PROSER2: variants seen among roughly 807,000 people sequenced by gnomAD.
The protein encoded by PROSER2 is proline and serine-rich protein 2.
Under a neutral mutation model 14.6 loss-of-function variants are expected in PROSER2, and 18 were observed. The observed-to-expected ratio is 1.23, with a 90% CI of 0.85 to 1.83. The LOEUF (loss-of-function observed/expected upper bound fraction) is 1.83, where lower values mean the gene tolerates loss of function less well. Among genes scored for constraint, PROSER2 ranks in the 40% most tolerant of loss-of-function variants. The pLI, the probability that PROSER2 is intolerant of heterozygous loss-of-function variation, is 0.00. For missense variants in PROSER2, 823 were observed against 629.8 expected, an observed-to-expected ratio of 1.31 and a Z score of -3.28; for synonymous variants, 367 against 286.4, an observed-to-expected ratio of 1.28 and a Z score of -2.84.
intron 1 of PROSER2, among the ~76,000 whole-genome samples, chr10:11,827,048 CTGTGTTTT>C (rs1053101898): frequency 9.4e-4 from 143 of 152,072 alleles, no homozygotes; most frequent in African/African-American, 3.2e-3. Flanking sequence ...CCACGTCCAG[CTGTGTTTT>C]TGTGTTTTTT....
chr10:11,848,426 C>T (rs1035116431), intron 1 of PROSER2, among the ~76,000 whole-genome samples: 5 of 152,228 alleles, frequency 3.3e-5, no homozygotes, highest in Non-Finnish European at 7.3e-5. Flanking sequence ...ACCTTGGCCT[C>T]CCAAAGTGCA....
chr10:11,839,342 A>C (rs1833804459), intron 1 of PROSER2, among the ~76,000 whole-genome samples: 1 of 152,214 alleles, frequency 6.6e-6, no homozygotes, highest in African/African-American at 2.4e-5. Context: ...GCAAAAACAC[A>C]AGCTATAAAC....
intron 2 of PROSER2, among the ~76,000 whole-genome samples, chr10:11,852,909 G>A (rs1270380735): frequency 6.8e-6 from 1 of 147,082 alleles, no homozygotes; most frequent in Non-Finnish European, 1.5e-5. Flanking sequence ...AGATGCTTTT[G>A]TATCCTTCTC....
At chr10:11,853,088 C>T (rs914994184) in intron 2 of PROSER2, among the ~76,000 whole-genome samples, 2 of 152,250 alleles carry the variant, frequency 1.3e-5, no homozygotes, top group Admixed American at 6.5e-5. Context: ...CCGGGCCTCA[C>T]TAGGAACCAT....
intron 2 of PROSER2, among the ~76,000 whole-genome samples, chr10:11,852,538 A>ACT (rs1050985387): frequency 1.9e-5 from 2 of 103,044 alleles, no homozygotes; most frequent in Non-Finnish European, 4.4e-5. Flanking sequence ...AACACAGTTG[A>ACT]CTCTTTTTTT....
At chr10:11,864,321 G>A (rs945096342) in intron 2 of PROSER2, among the ~76,000 whole-genome samples, 2 of 152,158 alleles carry the variant, frequency 1.3e-5, no homozygotes, top group African/African-American at 4.8e-5. Context: ...TTGTTTGGAA[G>A]TTATTTCAAA....
At position 11,862,260 on chromosome 10, in the gene PROSER2, C is replaced by A. The variant is rs928416812; in HGVS notation, c.139-4271C>A. ...CGCTTAAAGTCACCACAGGGGCATG[C>A]GTGTGTTTATGTGAATATGCAAATT... is the stretch of plus-strand genomic sequence containing the variant. On this transcript the variant is annotated intron_variant, in intron 2 of 3. Coordinates refer to ENST00000277570, the MANE Select transcript of PROSER2 (RefSeq NM_153256.4). The surrounding 1 kb of genome is among the most constrained non-coding windows in gnomAD (Gnocchi z 4.2). Among the ~76,000 whole-genome samples the A allele has an allele frequency of 6.6e-6, 1 of 152,088 alleles. No homozygotes were observed. The highest frequency in any genetic ancestry group is 2.4e-5 in the African/African-American group (1 of 41,400).
chr10:11,864,772 A>G (rs954906060), intron 2 of PROSER2, among the ~76,000 whole-genome samples: 1 of 152,028 alleles, frequency 6.6e-6, no homozygotes, highest in African/African-American at 2.4e-5. Flanking sequence ...TATCTTTAGT[A>G]GAGACAGGAT....
At position 11,871,963 on chromosome 10, in the gene PROSER2, T is replaced by A. The variant is rs972154826; in HGVS notation, c.*1557T>A. On this transcript the variant is annotated 3_prime_UTR_variant, in exon 4 of 4. Transcript: ENST00000277570. The stretch of plus-strand genomic sequence containing the variant: ...GAATAATAACCTCATAGATTCCTGA[T>A]CTTAATTTAAATAGGTGCTTTAATT... The A allele has an allele frequency of 6.6e-6, 1 of 152,252 alleles. No individual in the cohort carries two copies. The highest frequency in any genetic ancestry group is 1.5e-5 in the Non-Finnish European group (1 of 68,050). 9.4% of individuals were successfully genotyped at this position (152,252 alleles called of 1,614,324 possible).
In PROSER2 at chr10:11,870,152, C is replaced by G. The variant is rs780196455; in HGVS notation, c.1054C>G (p.Leu352Val). 1.4e-6 allele frequency: 2 copies of G among 1,454,568 alleles called. No individual in the cohort carries two copies. Among genetic ancestry groups the G allele is most frequent in the Non-Finnish European group, 1.8e-6 (2 of 1,110,854 alleles). 90.1% of individuals were successfully genotyped at this position (1,454,568 alleles called of 1,614,324 possible). ...ANGFPSAHEA[L>V]KSAPSSFAPA... ...CGGCTTCCCAAGTGCGCACGAGGCC[C>G]TGAAGAGCGCACCCAGCTCCTTCGC... Residue 352 changes from leucine to valine, a missense_variant, in exon 4 of 4, where the codon CTG (leucine) becomes GTG (valine). Transcript: ENST00000277570.
Position 11,869,557 on chromosome 10 carries a change from G to A in PROSER2, c.459G>A (p.Pro153=), listed in dbSNP as rs779812074. The A allele has an allele frequency of 1.9e-6, 3 of 1,612,926 alleles. No homozygotes were observed. Among genetic ancestry groups the A allele is most frequent in the South Asian group, 1.1e-5 (1 of 91,032 alleles). ...AGACTCCTCCACCTCCAGACCCCCC[G>A]GCTCCCGAGACCCTTCTTGCGCCAC... is the stretch of plus-strand genomic sequence containing the variant. ...DAETPPPPDP[P]APETLLAPPP... is the part of the protein sequence containing the mutation. Residue 153 remains proline (P), a synonymous_variant, in exon 4 of 4, where the codon CCG becomes CCA. Coordinates refer to ENST00000277570, the MANE Select transcript of PROSER2 (RefSeq NM_153256.4). This position sits in a 1 kb window ranked among gnomAD's most constrained non-coding sequence, Gnocchi z 4.4.
chr10:11,840,486 C>T (rs1422236367), intron 1 of PROSER2, among the ~76,000 whole-genome samples: 1 of 152,058 alleles, frequency 6.6e-6, no homozygotes, highest in African/African-American at 2.4e-5. Flanking sequence ...ATTAACTCTT[C>T]TTTATCATTA....
At chr10:11,835,985 A>C (rs193102804) in intron 1 of PROSER2, among the ~76,000 whole-genome samples, 17 of 152,102 alleles carry the variant, frequency 1.1e-4, no homozygotes, top group Admixed American at 2.6e-4. Flanking sequence ...GCTTTTTGAA[A>C]AGGGCTTGGC....
chr10:11,825,081 G>A (rs1167020753), intron 1 of PROSER2, among the ~76,000 whole-genome samples: 1 of 152,224 alleles, frequency 6.6e-6, no homozygotes. Context: ...CAGCTGAAGA[G>A]ATACCTGGCC....
At position 11,862,872 on chromosome 10, in the gene PROSER2, G is replaced by A. The variant is rs551443921; in HGVS notation, c.139-3659G>A. The stretch of plus-strand genomic sequence containing the variant: ...CATTAGTCTTCGTGGAAATGACACT[G>A]AAAATCACAGTGAAATATGACTGCA... On this transcript the variant is annotated intron_variant, in intron 2 of 3. Transcript: ENST00000277570. This position sits in a 1 kb window ranked among gnomAD's most constrained non-coding sequence, Gnocchi z 4.2. 1.3e-5 allele frequency: 2 copies of A among 152,290 alleles called. No homozygotes were observed. The highest frequency in any genetic ancestry group is 1.9e-4 in the East Asian group (1 of 5,182). 9.4% of individuals were successfully genotyped at this position (152,290 alleles called of 1,614,324 possible).
chr10:11,843,580 A>G (rs778882536), intron 1 of PROSER2, among the ~76,000 whole-genome samples: 37 of 151,762 alleles, frequency 2.4e-4, no homozygotes, highest in Middle Eastern at 3.4e-3. Context: ...CAGCTACTCG[A>G]GAGGCTGAGG....
At chr10:11,834,657 C>G (rs1833733970) in intron 1 of PROSER2, among the ~76,000 whole-genome samples, 2 of 151,988 alleles carry the variant, frequency 1.3e-5, no homozygotes, top group South Asian at 4.1e-4. Flanking sequence ...ATCATTTGAA[C>G]CCAGGTGGTG....
At chr10:11,840,241 C>T (rs990236487) in intron 1 of PROSER2, among the ~76,000 whole-genome samples, 3 of 150,152 alleles carry the variant, frequency 2.0e-5, no homozygotes, top group Non-Finnish European at 2.9e-5. Flanking sequence ...GTGTGAGCCA[C>T]CACGCTGTCC....
At position 11,870,477 on chromosome 10, in the gene PROSER2, A is replaced by C; in HGVS notation, c.*71A>C. ...AGAGGGTGAAAGAGTCGCTGCACCC[A>C]GGAGCTGTTTGGTCTAAAATGGAAG... On this transcript the variant is annotated 3_prime_UTR_variant, in exon 4 of 4. Transcript: ENST00000277570. 3 of 1,265,378 alleles carry C rather than the reference A, an allele frequency of 2.4e-6. No individual in the cohort carries two copies. The highest frequency in any genetic ancestry group is 6.3e-5 in the East Asian group (2 of 31,672). 78.4% of individuals were successfully genotyped at this position (1,265,378 alleles called of 1,614,324 possible).
Sources: allele counts gnomAD v4.1 joint callset (sites outside exome capture counted in the v4.1 genomes callset), GRCh38; gene constraint gnomAD v4.1.1; non-coding constraint Gnocchi (gnomAD v3.1); transcripts MANE v1.5; gene names NCBI Gene and HGNC (gene_info 2026-07-23, HGNC 2026-07-21).